The following CNTN5 variants were observed in gnomAD, a reference collection of about 807,000 sequenced individuals.
The protein encoded by CNTN5 is contactin-5.
In CNTN5, 77 loss-of-function variants were observed where a neutral mutation model predicts 129.1. The ratio of observed to expected loss-of-function variants is 0.60; its 90% CI spans 0.50 to 0.72. The LOEUF (loss-of-function observed/expected upper bound fraction) is 0.72, where lower values mean the gene tolerates loss of function less well. Among genes scored for constraint, CNTN5 ranks in the 30% least tolerant of loss-of-function variants. The probability of loss-of-function intolerance (pLI) is 0.00; values close to 1 mark genes in which losing one functional copy is unlikely to be tolerated. For synonymous variants in CNTN5, 509 were observed against 465.6 expected (o/e 1.09, Z -1.20); for missense variants, 1,478 against 1,328.8 (o/e 1.11, Z -1.75).
At chr11:99,307,289 T>G (rs565092434) in intron 1 of CNTN5, among the ~76,000 whole-genome samples, 1 of 151,462 alleles carries the variant, frequency 6.6e-6, no homozygotes, top group Non-Finnish European at 1.5e-5. Flanking sequence ...TCTCACAGTA[T>G]TTTTTTTTCT....
intron 9 of CNTN5, among the ~76,000 whole-genome samples, chr11:100,039,862 C>G (rs1003255303): frequency 2.0e-5 from 3 of 152,136 alleles, no homozygotes; most frequent in African/African-American, 7.2e-5. Flanking sequence ...TCCTGGTTAT[C>G]CATTCATCTA....
At chr11:100,288,262 T>C (rs1424754775) in intron 18 of CNTN5, among the ~76,000 whole-genome samples, 4 of 151,632 alleles carry the variant, frequency 2.6e-5, no homozygotes, top group Non-Finnish European at 5.9e-5. Context: ...GTGGACCTAA[T>C]AGACATCTAC....
At chr11:99,440,483 G>C (rs1301096295) in intron 2 of CNTN5, among the ~76,000 whole-genome samples, 1 of 151,996 alleles carries the variant, frequency 6.6e-6, no homozygotes, top group Non-Finnish European at 1.5e-5. Context: ...AGTCAACTTA[G>C]GTTGTCTAAT....
At chr11:100,173,600 C>T (rs1264356882) in intron 13 of CNTN5, among the ~76,000 whole-genome samples, 1 of 152,082 alleles carries the variant, frequency 6.6e-6, no homozygotes, top group Non-Finnish European at 1.5e-5. Context: ...CATGAACTTT[C>T]TAGGCTCCAT....
At chr11:99,309,224 T>G (rs1157093781) in intron 1 of CNTN5, among the ~76,000 whole-genome samples, 1 of 100,552 alleles carries the variant, frequency 9.9e-6, no homozygotes, top group Admixed American at 8.9e-5. Context: ...TGCTATTTCT[T>G]TTTTTTTTTT....
chr11:99,412,689 G>T (rs2135016572), intron 2 of CNTN5, among the ~76,000 whole-genome samples: 1 of 152,196 alleles, frequency 6.6e-6, no homozygotes, highest in African/African-American at 2.4e-5. Context: ...AATTCCCGAG[G>T]TCGCCATGCC....
At chr11:99,148,356 T>C (rs1859886502) in intron 1 of CNTN5, among the ~76,000 whole-genome samples, 3 of 148,980 alleles carry the variant, frequency 2.0e-5, no homozygotes, top group African/African-American at 7.3e-5. Context: ...TTAGCACAGT[T>C]TATTTGAGCA....
At chr11:99,399,593 T>C (rs1316189948) in intron 2 of CNTN5, among the ~76,000 whole-genome samples, 1 of 80,944 alleles carries the variant, frequency 1.2e-5, no homozygotes, top group African/African-American at 4.8e-5. Context: ...TGCAATGGTA[T>C]ATAAGGCAAA....
intron 9 of CNTN5, among the ~76,000 whole-genome samples, chr11:100,024,796 G>C (rs1249543827): frequency 6.6e-6 from 1 of 152,154 alleles, no homozygotes; most frequent in East Asian, 1.9e-4. Flanking sequence ...TTTCTAAGCA[G>C]CACAATGTTC....
chr11:99,972,650 T>G (rs1393063960), intron 8 of CNTN5, among the ~76,000 whole-genome samples: 2 of 152,062 alleles, frequency 1.3e-5, no homozygotes, highest in African/African-American at 4.8e-5. Flanking sequence ...TTCAGAAAAT[T>G]TCCGAAGAGA....
intron 7 of CNTN5, among the ~76,000 whole-genome samples, chr11:99,941,408 T>G (rs577665903): frequency 6.6e-6 from 1 of 152,204 alleles, no homozygotes; most frequent in African/African-American, 2.4e-5. Context: ...TTTATTTTAT[T>G]TTTTATTCAT....
chr11:100,241,819 A>C (rs1425157869), intron 16 of CNTN5, among the ~76,000 whole-genome samples: 2 of 152,238 alleles, frequency 1.3e-5, no homozygotes, highest in African/African-American at 4.8e-5. Context: ...TATCACTGTC[A>C]TTGAAACCAT....
intron 3 of CNTN5, among the ~76,000 whole-genome samples, chr11:99,633,254 G>A: frequency 6.6e-6 from 1 of 152,142 alleles, no homozygotes; most frequent in Non-Finnish European, 1.5e-5. Context: ...CATATCTGAT[G>A]AGCACAAAGT....
chr11:99,241,742 T>C (rs61893098), intron 1 of CNTN5, among the ~76,000 whole-genome samples: 14,938 of 152,158 alleles, frequency 0.098, 1,560 homozygotes, highest in East Asian at 0.46. Flanking sequence ...TTTGATCATC[T>C]CCTTGAAGAT....
In CNTN5 at chr11:99,685,717, T is replaced by C. The variant is rs558429663; in HGVS notation, c.55+129448T>C. 2.8e-3 allele frequency among the ~76,000 whole-genome samples: 433 copies of C among 152,102 alleles called. 4 individuals carry two copies. Among genetic ancestry groups the C allele is most frequent in the Middle Eastern group, 3.4e-3 (1 of 294 alleles). Reference sequence around the variant, plus strand: ...CATCTTTGATTTTCAAGCTGTGTTATATTTTGATGCCTCTCTTGTGTGTTG... The same window carrying C: ...CATCTTTGATTTTCAAGCTGTGTTACATTTTGATGCCTCTCTTGTGTGTTG... On this transcript the variant is annotated intron_variant, in intron 3 of 24. Transcript: ENST00000524871.
chr11:99,891,720 C>T (rs1350472421), intron 6 of CNTN5, among the ~76,000 whole-genome samples: 1 of 152,132 alleles, frequency 6.6e-6, no homozygotes, highest in Non-Finnish European at 1.5e-5. Flanking sequence ...TTTCTTAATC[C>T]AGTCTATCAT....
intron 1 of CNTN5, among the ~76,000 whole-genome samples, chr11:99,193,343 C>A (rs1275758733): frequency 2.0e-5 from 3 of 152,226 alleles, no homozygotes; most frequent in African/African-American, 7.2e-5. Context: ...GAAGTTGAAA[C>A]TGAATGACCT....
chr11:99,122,571 G>T (rs760430975), intron 1 of CNTN5, among the ~76,000 whole-genome samples: 7 of 151,960 alleles, frequency 4.6e-5, no homozygotes, highest in South Asian at 4.1e-4. Flanking sequence ...AGGTTTAGGG[G>T]TACATGTACA....
chr11:99,786,689 G>A (rs904296290), intron 3 of CNTN5, among the ~76,000 whole-genome samples: 2 of 152,110 alleles, frequency 1.3e-5, no homozygotes, highest in African/African-American at 4.8e-5. Context: ...AGAGACCTCA[G>A]AAATAACACT....
Sources: gnomAD v4.1 joint callset for allele counts (sites outside exome capture counted in the v4.1 genomes callset) on GRCh38, gnomAD v4.1.1 for gene constraint, MANE v1.5 for transcripts, NCBI Gene and HGNC (gene_info 2026-07-23, HGNC 2026-07-21) for gene names.